The following RYR1 variants were observed in gnomAD, a reference collection of about 807,000 sequenced individuals.
The protein encoded by RYR1 is ryanodine receptor 1.
Under a neutral mutation model 583.5 loss-of-function variants are expected in RYR1, and 342 were observed. That is an observed-to-expected ratio of 0.59 (90% CI 0.54 to 0.64). The LOEUF (loss-of-function observed/expected upper bound fraction) is 0.64. RYR1 is among the 30% of genes least tolerant of loss of function. RYR1 has a pLI of 0.00. For missense variants in RYR1, 6,032 were observed against 6,917.2 expected, an observed-to-expected ratio of 0.87 and a Z score of 4.54; for synonymous variants, 2,791 against 2,822.5, an observed-to-expected ratio of 0.99 and a Z score of 0.35.
chr19:38,461,213 G>C (rs779182045), intron 20 of RYR1, among the ~76,000 whole-genome samples: 1 of 152,050 alleles, frequency 6.6e-6, no homozygotes, highest in Non-Finnish European at 1.5e-5. Context: ...GGGGCCTCGC[G>C]CTTGAGCCCG....
At chr19:38,530,871 C>T (rs551386771) in intron 76 of RYR1, among the ~76,000 whole-genome samples, 2 of 152,034 alleles carry the variant, frequency 1.3e-5, no homozygotes, top group East Asian at 1.9e-4. Flanking sequence ...GGCGCAATCT[C>T]GGCTCGCTGC....
In RYR1 at chr19:38,573,848, G is replaced by A. The variant is rs540400268; in HGVS notation, c.14129+541G>A. Among the ~76,000 whole-genome samples the A allele has an allele frequency of 3.9e-5, 6 of 152,262 alleles. No individual in the cohort carries two copies. In the South Asian group the frequency reaches 1.2e-3, roughly 32 times the overall value. On this transcript the variant is annotated intron_variant, in intron 96 of 105. Coordinates refer to ENST00000359596, the MANE Select transcript of RYR1 (RefSeq NM_000540.3). ...ACAGAGATTCCTAGACTTGAGGCCT[G>A]GAGGTTCCTGTTCAGTGACTCTGGG...
At chr19:38,463,132 A>C (rs1967856425) in intron 20 of RYR1, among the ~76,000 whole-genome samples, 1 of 82,410 alleles carries the variant, frequency 1.2e-5, no homozygotes, top group African/African-American at 4.8e-5. Context: ...TCCTGACCTC[A>C]GGCGATCTGC....
chr19:38,462,166 A>G (rs1967788066), intron 20 of RYR1, among the ~76,000 whole-genome samples: 1 of 152,214 alleles, frequency 6.6e-6, no homozygotes, highest in Non-Finnish European at 1.5e-5. Context: ...GTTTTCAGTC[A>G]CGTGATCTTG....
intron 81 of RYR1, 57 bp downstream of exon 81, chr19:38,535,449 C>T: frequency 7.9e-7 from 1 of 1,260,810 alleles, no homozygotes; most frequent in South Asian, 1.2e-5. Context: ...TGCCACCCCA[C>T]TCCTGGTACC....
intron 37 of RYR1, among the ~76,000 whole-genome samples, chr19:38,491,212 T>C (rs1969535653): frequency 6.6e-6 from 1 of 152,226 alleles, no homozygotes; most frequent in African/African-American, 2.4e-5. Context: ...TTCAACAATT[T>C]AGTATGACGT....
Position 38,543,746 on chromosome 19 carries a change from C to G in RYR1, c.11908-25C>G, listed in dbSNP as rs2292797. ...ATCCCTTCTCGGGGATTCCCTTCCC[C>G]CCCACACGGCACTCTGCCTCCCAGG... On this transcript the variant is annotated intron_variant, in intron 86 of 105. Transcript: ENST00000359596. This position sits in a 1 kb window ranked among gnomAD's most constrained non-coding sequence, Gnocchi z 4.4. 36,972 of 1,611,652 alleles carry G rather than the reference C, an allele frequency of 0.023. 826 individuals carry two copies. Among genetic ancestry groups the G allele is most frequent in the Admixed American group, 0.099 (5,961 of 59,982 alleles).
intron 71 of RYR1, among the ~76,000 whole-genome samples, chr19:38,526,583 G>C (rs1426721073): frequency 8.5e-6 from 1 of 117,532 alleles, no homozygotes; most frequent in African/African-American, 3.3e-5. Context: ...TGCCCCCTTT[G>C]GCCCCTGTGT....
At chr19:38,539,936 CAAAT>C (rs1179821567) in intron 84 of RYR1, among the ~76,000 whole-genome samples, 5 of 150,748 alleles carry the variant, frequency 3.3e-5, no homozygotes, top group Non-Finnish European at 7.4e-5. Flanking sequence ...TAAATTAACA[CAAAT>C]AAAGGAGTTA....
intron 66 of RYR1, 48 bp downstream of exon 66, chr19:38,517,739 G>T: frequency 6.4e-7 from 1 of 1,560,858 alleles, no homozygotes; most frequent in Non-Finnish European, 8.8e-7. Context: ...AGCAGCCTGG[G>T]CTCCCTTGGC....
intron 89 of RYR1, among the ~76,000 whole-genome samples, chr19:38,551,190 G>A (rs932930965): frequency 1.3e-5 from 2 of 151,482 alleles, no homozygotes; most frequent in Non-Finnish European, 2.9e-5. Context: ...GGGATTACAG[G>A]TATGCACCAC....
Position 38,502,548 on chromosome 19 carries a change from C to A in RYR1, c.7656C>A (p.Arg2552=), listed in dbSNP as rs1332468548. 60 of 1,611,172 alleles carry A rather than the reference C, an allele frequency of 3.7e-5. 1 individual carries two copies. The highest frequency in any genetic ancestry group is 5.1e-5 in the Non-Finnish European group (60 of 1,179,892). ...CCGAGATGGCGCTGGCGCTGAACCG[C>A]TACCTGTGCCTGGCCGTGCTGCCGC... ...STTEMALALN[R]YLCLAVLPLI... is the part of the protein sequence containing the mutation. Residue 2552 remains arginine, a synonymous_variant, in exon 48 of 106, where the codon CGC becomes CGA. Transcript: ENST00000359596.
Position 38,502,678 on chromosome 19 carries a change from A to G in RYR1, c.7786A>G (p.Thr2596Ala). The G allele has an allele frequency of 6.2e-7, 1 of 1,607,568 alleles. No individual in the cohort carries two copies. Among genetic ancestry groups the G allele is most frequent in the Non-Finnish European group, 8.5e-7 (1 of 1,178,992 alleles). ...CCGCCTGTCTCGGGGTCGTTCGCTC[A>G]CCAAGGCGCAGCGTGACGTCATCGA... The part of the protein sequence containing the change: ...VYRLSRGRSL[T>A]KAQRDVIEDC... The change falls in exon 48 of 106, where the codon ACC (threonine) becomes GCC (alanine). Residue 2596 changes from threonine to alanine, a missense_variant. Physicochemically the swap from Thr to Ala is moderately conservative, Grantham distance 58. Transcript: ENST00000359596.
At position 38,517,711 on chromosome 19, in the gene RYR1, G is replaced by T; in HGVS notation, c.10018+20G>T. On this transcript the variant is annotated intron_variant, in intron 66 of 105. Coordinates refer to ENST00000359596, the MANE Select transcript of RYR1 (RefSeq NM_000540.3). ...TGGCTGGTGGGTCGGGGGGCACTGGGCCTCTGAGGGGTGGGTCAGCAGCCT... is the reference window on the plus strand; with the variant it reads ...TGGCTGGTGGGTCGGGGGGCACTGGTCCTCTGAGGGGTGGGTCAGCAGCCT... 1.9e-6 allele frequency: 3 copies of T among 1,610,564 alleles called. No homozygotes were observed. The highest frequency in any genetic ancestry group is 2.5e-6 in the Non-Finnish European group (3 of 1,176,754).
At chr19:38,579,792 T>C (rs992234018) in intron 99 of RYR1, among the ~76,000 whole-genome samples, 190 bp from the exon 100 acceptor site, 1 of 151,980 alleles carries the variant, frequency 6.6e-6, no homozygotes, top group Non-Finnish European at 1.5e-5. Flanking sequence ...ATTATTTCCT[T>C]CTGGAGGGGG....
Position 38,543,743 on chromosome 19 carries a change from C to A in RYR1, c.11908-28C>A, listed in dbSNP as rs750158647. 2.5e-6 allele frequency: 4 copies of A among 1,610,606 alleles called. No individual in the cohort carries two copies. The highest frequency in any genetic ancestry group is 3.3e-5 in the Admixed American group (2 of 59,990). On this transcript the variant is annotated intron_variant, in intron 86 of 105. Coordinates refer to ENST00000359596, the MANE Select transcript of RYR1 (RefSeq NM_000540.3). The surrounding 1 kb of genome is among the most constrained non-coding windows in gnomAD (Gnocchi z 4.4). ...CTGATCCCTTCTCGGGGATTCCCTT[C>A]CCCCCCACACGGCACTCTGCCTCCC...
At position 38,466,291 on chromosome 19, in the gene RYR1, G is replaced by T; in HGVS notation, c.3071G>T (p.Arg1024Leu). 1 of 1,611,864 alleles carries T rather than the reference G, an allele frequency of 6.2e-7. No individual in the cohort carries two copies. The highest frequency in any genetic ancestry group is 1.1e-5 in the South Asian group (1 of 90,856). The change falls in exon 24 of 106, where the codon CGC (arginine) becomes CTC (leucine). Residue 1024 changes from arginine (R) to leucine (L), a missense_variant. Transcript: ENST00000359596. ...ARRNPRLVPY[R>L]LLDEATKRSN... is the part of the protein sequence containing the mutation. ...CGAAACCCTCGGCTGGTGCCCTACC[G>T]CCTGCTGGATGAAGCCACCAAGCGC... is the stretch of plus-strand genomic sequence containing the variant.
At chr19:38,464,279 A>G (rs1434483954) in intron 22 of RYR1, among the ~76,000 whole-genome samples, 3 of 3,930 alleles carry the variant, frequency 7.6e-4, no homozygotes, top group African/African-American at 1.2e-3. Context: ...ACCGTTTCAG[A>G]AAAAAAAAAA....
intron 7 of RYR1, among the ~76,000 whole-genome samples, chr19:38,445,379 A>G (rs74982679): frequency 6.6e-4 from 101 of 152,036 alleles, no homozygotes; most frequent in African/African-American, 2.3e-3. Context: ...TCCAAACTTC[A>G]ATTTCAAATC....
Sources: allele counts gnomAD v4.1 joint callset (sites outside exome capture counted in the v4.1 genomes callset), GRCh38; gene constraint gnomAD v4.1.1; non-coding constraint Gnocchi (gnomAD v3.1); transcripts MANE v1.5; gene names NCBI Gene and HGNC (gene_info 2026-07-23, HGNC 2026-07-21).